SOX6: variants seen among roughly 807,000 people sequenced by gnomAD.
SOX6 encodes the protein transcription factor SOX-6.
Under a neutral mutation model 97.8 loss-of-function variants are expected in SOX6, and 11 were observed. That is an observed-to-expected ratio of 0.11 (90% CI 0.07 to 0.19). SOX6 has a LOEUF of 0.19. Among genes scored for constraint, SOX6 ranks in the 10% least tolerant of loss-of-function variants. SOX6 has a pLI of 1.00. For synonymous variants in SOX6, 360 were observed against 371.4 expected (o/e 0.97, Z 0.35); for missense variants, 810 against 1,039.5 (o/e 0.78, Z 3.04).
intron 3 of SOX6, among the ~76,000 whole-genome samples, chr11:16,619,121 A>G (rs911374623): frequency 6.6e-6 from 1 of 151,964 alleles, no homozygotes; most frequent in African/African-American, 2.4e-5. Flanking sequence ...TAATGATAAA[A>G]CTGAAAATCG....
At chr11:16,455,765 T>C (rs1203803225) in intron 1 of SOX6, among the ~76,000 whole-genome samples, 3 of 152,062 alleles carry the variant, frequency 2.0e-5, no homozygotes, top group African/African-American at 2.4e-5. Context: ...ATTTCCCCCA[T>C]GAAAGTAATT....
At position 16,535,686 on chromosome 11, in the gene SOX6, A is replaced by G. The variant is rs959405296; in HGVS notation, n.610-59298T>C. On this transcript the variant is annotated intron_variant and non_coding_transcript_variant, in intron 4 of 5. Transcript: ENST00000524520. ...GACCCTGTCTTAACAAAAAAAAACAAAAACAAACCAAAAAAGTCTTAATTG... is the reference window on the plus strand; with the variant it reads ...GACCCTGTCTTAACAAAAAAAAACAGAAACAAACCAAAAAAGTCTTAATTG... Among the ~76,000 whole-genome samples, 3 of 152,192 alleles carry G rather than the reference A, an allele frequency of 2.0e-5. No homozygotes were observed. In the East Asian group the frequency reaches 5.8e-4, roughly 29 times the overall value.
rs116570356 is a variant in SOX6, at chr11:16,674,662, C to A, written n.429+40168G>T. Among the ~76,000 whole-genome samples the A allele has an allele frequency of 6.5e-3, 986 of 151,130 alleles. 6 individuals are homozygous for A. The highest frequency in any genetic ancestry group is 0.023 in the African/African-American group (942 of 41,124). On this transcript the variant is annotated intron_variant and non_coding_transcript_variant, in intron 3 of 5. Transcript: ENST00000524520. Reference sequence around the variant, plus strand: ...GCAGGCAGATCACCTGAGGCCAGGGCAGCCAAGGCTGGGCATGGTAGCTCA... The same window carrying A: ...GCAGGCAGATCACCTGAGGCCAGGGAAGCCAAGGCTGGGCATGGTAGCTCA...
chr11:16,236,106 C>T (rs1234118683), intron 3 of SOX6, among the ~76,000 whole-genome samples: 2 of 151,982 alleles, frequency 1.3e-5, no homozygotes, highest in South Asian at 2.1e-4. Context: ...TTCCTTCCTA[C>T]CTTCCTTCTT....
At chr11:16,269,988 C>T (rs1288928203) in intron 3 of SOX6, 2 of 151,158 alleles carry the variant, frequency 1.3e-5, no homozygotes, top group African/African-American at 4.8e-5. Context: ...GGCAGCTTGG[C>T]CTTGTTCCTG....
At chr11:16,645,425 T>C (rs969103708) in intron 3 of SOX6, among the ~76,000 whole-genome samples, 8 of 152,216 alleles carry the variant, frequency 5.3e-5, no homozygotes, top group Non-Finnish European at 1.0e-4. Context: ...TATCAATTTA[T>C]GTATTAGTGT....
intron 8 of SOX6, among the ~76,000 whole-genome samples, chr11:16,097,261 T>C (rs1848821599): frequency 6.6e-6 from 1 of 151,978 alleles, no homozygotes; most frequent in Admixed American, 6.6e-5. Context: ...TTTCAATTTT[T>C]ATATGCAAAA....
At chr11:16,062,359 T>C (rs944823645) in intron 9 of SOX6, among the ~76,000 whole-genome samples, 2 of 151,708 alleles carry the variant, frequency 1.3e-5, no homozygotes, top group African/African-American at 4.8e-5. Context: ...AAAGGTTAAA[T>C]TCTGATTAAC....
At chr11:16,355,820 G>A (rs1447960533) in intron 1 of SOX6, among the ~76,000 whole-genome samples, 1 of 151,886 alleles carries the variant, frequency 6.6e-6, no homozygotes, top group Non-Finnish European at 1.5e-5. Context: ...ATAATCACAT[G>A]TTAAAAATCT....
intron 4 of SOX6, among the ~76,000 whole-genome samples, chr11:16,561,675 G>A (rs1260919809): frequency 6.6e-6 from 1 of 152,140 alleles, no homozygotes; most frequent in African/African-American, 2.4e-5. Context: ...GAAACCTCCA[G>A]GGGTTACCAA....
At chr11:16,459,339 C>T (rs539919321) in intron 1 of SOX6, among the ~76,000 whole-genome samples, 2 of 151,728 alleles carry the variant, frequency 1.3e-5, no homozygotes, top group Non-Finnish European at 2.9e-5. Flanking sequence ...TAACTGCATA[C>T]CAGAAAAAAA....
chr11:16,599,282 C>T (rs1174258700), intron 4 of SOX6, among the ~76,000 whole-genome samples: 3 of 151,906 alleles, frequency 2.0e-5, no homozygotes, highest in South Asian at 2.1e-4. Flanking sequence ...ATAAAATGTT[C>T]GTAGAAAGAG....
At position 16,639,073 on chromosome 11, in the gene SOX6, A is replaced by G. The variant is rs1279932476; in HGVS notation, n.430-26813T>C. Among the ~76,000 whole-genome samples, 4 of 152,156 alleles carry G rather than the reference A, an allele frequency of 2.6e-5. No individual in the cohort carries two copies. The East Asian group carries it at 7.7e-4, about 29-fold the overall frequency. ...TTTAGGTCTAACATTTAAGTCTTTA[A>G]TCCATCTTAATTTTTGTATAAGGTG... On this transcript the variant is annotated intron_variant and non_coding_transcript_variant, in intron 3 of 5. Transcript: ENST00000524520.
intron 4 of SOX6, among the ~76,000 whole-genome samples, chr11:16,485,850 C>T (rs573730566): frequency 5.5e-5 from 8 of 145,642 alleles, no homozygotes; most frequent in South Asian, 4.5e-4. Flanking sequence ...ATTATGATCA[C>T]GCCACTGCAT....
At chr11:16,376,827 G>GC (rs753572997) in intron 1 of SOX6, among the ~76,000 whole-genome samples, 43 of 152,068 alleles carry the variant, frequency 2.8e-4, no homozygotes, top group Middle Eastern at 3.4e-3. Context: ...GAACTGACAA[G>GC]CGTATATTTT....
intron 13 of SOX6, among the ~76,000 whole-genome samples, chr11:16,001,083 T>G (rs1854394628): frequency 6.6e-6 from 1 of 152,114 alleles, no homozygotes; most frequent in South Asian, 2.1e-4. Context: ...TAGGCTGGTC[T>G]TGAACTCCTG....
chr11:16,322,660 G>A (rs1426075212), intron 2 of SOX6, among the ~76,000 whole-genome samples: 1 of 152,062 alleles, frequency 6.6e-6, no homozygotes, highest in Non-Finnish European at 1.5e-5. Flanking sequence ...GAATTATCTG[G>A]CAAGTGTGTT....
intron 4 of SOX6, among the ~76,000 whole-genome samples, chr11:16,553,054 C>T (rs1847707506): frequency 6.6e-6 from 1 of 152,174 alleles, no homozygotes; most frequent in South Asian, 2.1e-4. Context: ...TTAATGTCAA[C>T]TAAAGGACCG....
At chr11:16,174,712 A>T (rs1005362109) in intron 6 of SOX6, among the ~76,000 whole-genome samples, 2 of 151,964 alleles carry the variant, frequency 1.3e-5, no homozygotes, top group Non-Finnish European at 2.9e-5. Context: ...AGGAGATGGC[A>T]TACATAAGAT....
Sources: allele counts gnomAD v4.1 joint callset (sites outside exome capture counted in the v4.1 genomes callset), GRCh38; gene constraint gnomAD v4.1.1; transcripts MANE v1.5; gene names NCBI Gene and HGNC (gene_info 2026-07-23, HGNC 2026-07-21).